The following SORCS2 variants were observed in gnomAD, a reference collection of about 807,000 sequenced individuals.
The protein encoded by SORCS2 is sortilin related VPS10 domain containing receptor 2.
In SORCS2, 100 loss-of-function variants were observed where a neutral mutation model predicts 141.6. That is an observed-to-expected ratio of 0.71 (90% CI 0.60 to 0.83). The LOEUF (loss-of-function observed/expected upper bound fraction) is 0.83, where lower values mean the gene tolerates loss of function less well. Ranked by LOEUF, SORCS2 falls within the 40% of genes least tolerant of loss-of-function variation. SORCS2 has a pLI of 0.00. For synonymous variants in SORCS2, 789 were observed against 676.9 expected (o/e 1.17, Z -2.57); for missense variants, 1,646 against 1,560.2 (o/e 1.05, Z -0.93).
intron 2 of SORCS2, among the ~76,000 whole-genome samples, chr4:7,420,390 A>G (rs1725960419): frequency 6.6e-6 from 1 of 152,192 alleles, no homozygotes; most frequent in Non-Finnish European, 1.5e-5. Context: ...AAGCAGTGAA[A>G]GCACCAAGCC....
At chr4:7,197,210 A>AT (rs1336828998) in intron 1 of SORCS2, among the ~76,000 whole-genome samples, 4 of 152,108 alleles carry the variant, frequency 2.6e-5, no homozygotes, top group Non-Finnish European at 5.9e-5. Context: ...TTGTAAGGGC[A>AT]CCAGTCATAT....
intron 1 of SORCS2, among the ~76,000 whole-genome samples, chr4:7,371,521 A>G (rs1372602633): frequency 6.6e-6 from 1 of 152,300 alleles, no homozygotes; most frequent in Middle Eastern, 3.4e-3. Flanking sequence ...TATCTGATAC[A>G]GAAAAAAATG....
At chr4:7,710,405 C>T (rs567501592) in intron 14 of SORCS2, among the ~76,000 whole-genome samples, 141 of 151,424 alleles carry the variant, frequency 9.3e-4, no homozygotes, top group African/African-American at 2.8e-3. Context: ...GTGGGTGCTC[C>T]GTATGCACCA....
chr4:7,527,713 G>A (rs931988678), intron 2 of SORCS2, among the ~76,000 whole-genome samples: 6 of 152,212 alleles, frequency 3.9e-5, no homozygotes, highest in African/African-American at 1.4e-4. Flanking sequence ...AAGTCAGCCT[G>A]CCAGTGTTTG....
chr4:7,656,211 G>T (rs1301321148), intron 5 of SORCS2, among the ~76,000 whole-genome samples: 2 of 152,178 alleles, frequency 1.3e-5, no homozygotes, highest in Non-Finnish European at 2.9e-5. Flanking sequence ...TACACAGCAA[G>T]CAAGCTCATT....
In SORCS2 at chr4:7,513,888, G is replaced by A. The variant is rs541015210; in HGVS notation, c.549-17642G>A. Among the ~76,000 whole-genome samples, 10 of 152,316 alleles carry A rather than the reference G, an allele frequency of 6.6e-5. No homozygotes were observed. In the South Asian group the frequency reaches 8.3e-4, roughly 13 times the overall value. On this transcript the variant is annotated intron_variant, in intron 2 of 26. Coordinates refer to ENST00000507866, the MANE Select transcript of SORCS2 (RefSeq NM_020777.3). ...GGTTTGCTTGCCTGGAGAGCAGAGC[G>A]CATTAAGTTATTATGGTGCTGTGGC...
intron 2 of SORCS2, among the ~76,000 whole-genome samples, chr4:7,530,712 T>A (rs964452925): frequency 2.0e-5 from 3 of 152,256 alleles, no homozygotes; most frequent in African/African-American, 4.8e-5. Context: ...CATATCCTGA[T>A]GGATGGATGG....
chr4:7,511,449 C>CAT (rs1427916195), intron 2 of SORCS2, among the ~76,000 whole-genome samples: 3 of 146,202 alleles, frequency 2.1e-5, no homozygotes, highest in African/African-American at 7.6e-5. Flanking sequence ...GACACACACA[C>CAT]ACACACACAG....
chr4:7,396,179 C>G, intron 1 of SORCS2, 109 bp from the exon 2 acceptor site: 3 of 971,412 alleles, frequency 3.1e-6, no homozygotes. Flanking sequence ...CCCTGGGCGG[C>G]TGTTATTTAG....
chr4:7,525,785 A>C, intron 2 of SORCS2, among the ~76,000 whole-genome samples: 1 of 80,914 alleles, frequency 1.2e-5, no homozygotes. Context: ...TCCTGCAGTC[A>C]CCTGTCCCCT....
intron 4 of SORCS2, among the ~76,000 whole-genome samples, chr4:7,650,356 G>A (rs1721354328): frequency 6.6e-6 from 1 of 152,216 alleles, no homozygotes; most frequent in African/African-American, 2.4e-5. Context: ...GGCGGTGATC[G>A]CGACAGAACG....
intron 3 of SORCS2, among the ~76,000 whole-genome samples, chr4:7,546,401 C>T (rs1713264613): frequency 6.6e-6 from 1 of 152,216 alleles, no homozygotes; most frequent in South Asian, 2.1e-4. Flanking sequence ...GGGCTCTCTC[C>T]TCTTCTCCTC....
chr4:7,270,128 G>C (rs567059801), intron 1 of SORCS2, among the ~76,000 whole-genome samples: 1 of 152,224 alleles, frequency 6.6e-6, no homozygotes, highest in Admixed American at 6.5e-5. Context: ...TGATCCTCCC[G>C]CCTTGGCCTC....
At chr4:7,514,156 C>T (rs975652252) in intron 2 of SORCS2, among the ~76,000 whole-genome samples, 1 of 152,152 alleles carries the variant, frequency 6.6e-6, no homozygotes, top group Non-Finnish European at 1.5e-5. Context: ...AGCTCCATGG[C>T]ATGAAGCGGG....
At chr4:7,681,372 G>A (rs1210253892) in intron 9 of SORCS2, among the ~76,000 whole-genome samples, 1 of 152,236 alleles carries the variant, frequency 6.6e-6, no homozygotes, top group African/African-American at 2.4e-5. Flanking sequence ...GCAGGAGAGA[G>A]AGTCAGAGAA....
chr4:7,262,669 C>A (rs1274575833), intron 1 of SORCS2, among the ~76,000 whole-genome samples: 1 of 152,224 alleles, frequency 6.6e-6, no homozygotes, highest in African/African-American at 2.4e-5. Context: ...CAAGGAGGGC[C>A]TCTGAGGAGG....
intron 12 of SORCS2, among the ~76,000 whole-genome samples, chr4:7,699,747 G>A (rs1055121056): frequency 8.5e-5 from 13 of 152,100 alleles, no homozygotes; most frequent in African/African-American, 3.1e-4. Flanking sequence ...CGTGGTCTCC[G>A]CCACCCGCCT....
intron 1 of SORCS2, among the ~76,000 whole-genome samples, chr4:7,243,055 G>C (rs370949471): frequency 0.017 from 2,448 of 148,090 alleles, 76 homozygotes; most frequent in African/African-American, 0.059. Context: ...GGGGGTTGAG[G>C]GTTGGCTCGG....
intron 1 of SORCS2, among the ~76,000 whole-genome samples, chr4:7,307,203 G>A (rs776182900): frequency 4.6e-5 from 7 of 152,176 alleles, no homozygotes; most frequent in South Asian, 2.1e-4. Flanking sequence ...CTCCCCAGGC[G>A]ACGTTCAGAG....
Sources: gnomAD v4.1 joint callset for allele counts (sites outside exome capture counted in the v4.1 genomes callset) on GRCh38, gnomAD v4.1.1 for gene constraint, MANE v1.5 for transcripts, NCBI Gene and HGNC (gene_info 2026-07-23, HGNC 2026-07-21) for gene names.